The following UBE2E2 variants were observed in gnomAD, a reference collection of about 807,000 sequenced individuals.
The protein encoded by UBE2E2 is ubiquitin-conjugating enzyme E2 E2.
A neutral mutation model predicts 24.7 loss-of-function variants in UBE2E2; 6 were observed. That is an observed-to-expected ratio of 0.24 (90% confidence interval 0.13 to 0.48). The LOEUF is 0.48. Among genes scored for constraint, UBE2E2 ranks in the 20% least tolerant of loss-of-function variants. The pLI, the probability that UBE2E2 is intolerant of heterozygous loss-of-function variation, is 0.99. For missense variants in UBE2E2, 169 were observed against 245.0 expected, an observed-to-expected ratio of 0.69 and a Z score of 2.07; for synonymous variants, 104 against 83.6, an observed-to-expected ratio of 1.24 and a Z score of -1.33.
chr3:23,219,919 C>T (rs935432621), intron 3 of UBE2E2, among the ~76,000 whole-genome samples: 6 of 152,172 alleles, frequency 3.9e-5, no homozygotes, highest in Admixed American at 3.9e-4. Flanking sequence ...ATCCTATTTT[C>T]GGGAACCTTA....
chr3:23,284,733 T>A (rs1290896966), intron 3 of UBE2E2, among the ~76,000 whole-genome samples: 1 of 151,740 alleles, frequency 6.6e-6, no homozygotes, highest in African/African-American at 2.4e-5. Context: ...TATTTAGGAA[T>A]ACAATGTATA....
chr3:23,521,482 A>G (rs888822561), intron 4 of UBE2E2, among the ~76,000 whole-genome samples: 2 of 152,214 alleles, frequency 1.3e-5, no homozygotes, highest in Admixed American at 6.5e-5. Context: ...TCCTTTGGAC[A>G]TCTGTTAAAT....
At chr3:23,259,065 C>G (rs541466237) in intron 3 of UBE2E2, among the ~76,000 whole-genome samples, 1 of 152,110 alleles carries the variant, frequency 6.6e-6, no homozygotes, top group African/African-American at 2.4e-5. Context: ...CAGGTGAATT[C>G]TTTTAAAATT....
At chr3:23,239,215 C>T (rs1226325354) in intron 3 of UBE2E2, among the ~76,000 whole-genome samples, 1 of 152,066 alleles carries the variant, frequency 6.6e-6, no homozygotes, top group African/African-American at 2.4e-5. Flanking sequence ...ACTAAGTTAT[C>T]GAGGTAATAG....
chr3:23,522,124 G>A (rs114954153), intron 4 of UBE2E2, among the ~76,000 whole-genome samples: 3,775 of 140,770 alleles, frequency 0.027, 168 homozygotes, highest in African/African-American at 0.095. Context: ...CATATAACCA[G>A]CTAATTTTTT....
chr3:23,404,066 C>G (rs998450890), intron 3 of UBE2E2, among the ~76,000 whole-genome samples: 1 of 152,110 alleles, frequency 6.6e-6, no homozygotes, highest in African/African-American at 2.4e-5. Flanking sequence ...ATTCCTGAAA[C>G]AGAACTTGTT....
intron 3 of UBE2E2, among the ~76,000 whole-genome samples, chr3:23,276,911 T>TAAGCAAG: frequency 6.6e-6 from 1 of 152,080 alleles, no homozygotes; most frequent in Non-Finnish European, 1.5e-5. Context: ...TTGTACTTGC[T>TAAGCAAG]TAAGGAAGAG....
intron 3 of UBE2E2, among the ~76,000 whole-genome samples, chr3:23,486,429 A>G (rs1318713852): frequency 2.6e-5 from 4 of 152,234 alleles, no homozygotes; most frequent in African/African-American, 9.6e-5. Flanking sequence ...GTTCCCAGGA[A>G]GGCTGCAGCT....
intron 5 of UBE2E2, among the ~76,000 whole-genome samples, chr3:23,580,684 A>C (rs1696456140): frequency 6.6e-6 from 1 of 152,210 alleles, no homozygotes; most frequent in Non-Finnish European, 1.5e-5. Context: ...GGGACACATA[A>C]GACTGCTAGG....
chr3:23,355,216 CTG>C (rs1221387282), intron 3 of UBE2E2, among the ~76,000 whole-genome samples: 1 of 101,912 alleles, frequency 9.8e-6, no homozygotes. Context: ...ACCTCACACT[CTG>C]GGGACTGGTG....
chr3:23,250,310 A>G (rs918924622), intron 3 of UBE2E2, among the ~76,000 whole-genome samples: 1 of 152,068 alleles, frequency 6.6e-6, no homozygotes, highest in African/African-American at 2.4e-5. Flanking sequence ...TTATTGTCTC[A>G]TCTGTAAAGG....
intron 3 of UBE2E2, among the ~76,000 whole-genome samples, chr3:23,269,554 G>A (rs1397260099): frequency 1.3e-5 from 2 of 152,208 alleles, no homozygotes; most frequent in African/African-American, 4.8e-5. Flanking sequence ...GGATTTGAGG[G>A]TGGGAGTTGG....
intron 3 of UBE2E2, among the ~76,000 whole-genome samples, chr3:23,222,644 G>A (rs1440680061): frequency 6.6e-6 from 1 of 152,188 alleles, no homozygotes; most frequent in East Asian, 1.9e-4. Context: ...GGAACCATGA[G>A]TCCATTAAAC....
At chr3:23,416,944 A>T (rs1697652301) in intron 3 of UBE2E2, among the ~76,000 whole-genome samples, 1 of 152,072 alleles carries the variant, frequency 6.6e-6, no homozygotes, top group Non-Finnish European at 1.5e-5. Flanking sequence ...CTAGTTAGCA[A>T]TTCCTCTAAC....
At chr3:23,316,621 C>G (rs1416268382) in intron 3 of UBE2E2, among the ~76,000 whole-genome samples, 1 of 151,692 alleles carries the variant, frequency 6.6e-6, no homozygotes, top group African/African-American at 2.4e-5. Context: ...TGGCCGGGCA[C>G]AAGACAAAGT....
chr3:23,208,907 G>T, intron 2 of UBE2E2, 32 bp downstream of exon 2: 3 of 1,545,278 alleles, frequency 1.9e-6, no homozygotes, highest in East Asian at 4.8e-5. Context: ...TTTTATTGTT[G>T]GTATCAATTT....
chr3:23,368,328 G>C (rs890197800), intron 3 of UBE2E2, among the ~76,000 whole-genome samples: 1 of 152,122 alleles, frequency 6.6e-6, no homozygotes, highest in Non-Finnish European at 1.5e-5. Context: ...GCTGTACTAG[G>C]TAGTTTAATA....
chr3:23,390,398 A>T (rs891099329), intron 3 of UBE2E2, among the ~76,000 whole-genome samples: 24 of 152,188 alleles, frequency 1.6e-4, no homozygotes, highest in African/African-American at 5.8e-4. Flanking sequence ...AAGTTGAGAC[A>T]ACATGGCTTC....
intron 3 of UBE2E2, among the ~76,000 whole-genome samples, chr3:23,276,522 A>G (rs1439184764): frequency 6.6e-6 from 1 of 152,106 alleles, no homozygotes; most frequent in Non-Finnish European, 1.5e-5. Context: ...AAATATTAAT[A>G]TGCTTTATAA....
Sources: gnomAD v4.1 joint callset for allele counts (sites outside exome capture counted in the v4.1 genomes callset) on GRCh38, gnomAD v4.1.1 for gene constraint, MANE v1.5 for transcripts, NCBI Gene and HGNC (gene_info 2026-07-23, HGNC 2026-07-21) for gene names.